The following PCDHA12 variants were observed in gnomAD, a reference collection of about 807,000 sequenced individuals.
PCDHA12 encodes the protein protocadherin alpha 12.
PCDHA12 carries 44 observed loss-of-function variants against 60.0 expected under a neutral mutation model. The observed-to-expected ratio is 0.73, with a 90% CI of 0.58 to 0.94. The LOEUF (loss-of-function observed/expected upper bound fraction) is 0.94, where lower values mean the gene tolerates loss of function less well. PCDHA12 is among the 40% of genes least tolerant of loss of function. PCDHA12 has a pLI of 0.00. For synonymous variants in PCDHA12, 569 were observed against 553.0 expected (o/e 1.03, Z -0.40); for missense variants, 1,276 against 1,239.7 (o/e 1.03, Z -0.44).
At chr5:140,922,548 G>T (rs2080883425) in intron 1 of PCDHA12, among the ~76,000 whole-genome samples, 2 of 152,172 alleles carry the variant, frequency 1.3e-5, no homozygotes, top group Non-Finnish European at 2.9e-5. Flanking sequence ...GCAAGGTAAG[G>T]AGAAAAGTCA....
chr5:140,967,865 C>G, intron 1 of PCDHA12: 1 of 1,614,164 alleles, frequency 6.2e-7, no homozygotes, highest in Non-Finnish European at 8.5e-7. Flanking sequence ...AGAGGTGGTG[C>G]TCACGGACCT....
intron 1 of PCDHA12, among the ~76,000 whole-genome samples, chr5:140,888,097 G>T (rs536916138): frequency 3.3e-4 from 50 of 152,066 alleles, no homozygotes; most frequent in African/African-American, 1.2e-3. Context: ...TCCTTAGTTT[G>T]CTTCTTTTAA....
chr5:140,975,216 G>A (rs1349439819), intron 1 of PCDHA12, among the ~76,000 whole-genome samples: 1 of 152,198 alleles, frequency 6.6e-6, no homozygotes, highest in Non-Finnish European at 1.5e-5. Context: ...TGGCACTGGA[G>A]AATCTTCCCT....
intron 1 of PCDHA12, chr5:140,969,446 C>A (rs782526198): frequency 6.5e-7 from 1 of 1,541,082 alleles, no homozygotes; most frequent in African/African-American, 1.4e-5. Flanking sequence ...ATCTGGTAAA[C>A]TGAGTATATA....
In PCDHA12 at chr5:141,011,816, A is replaced by G. The variant is rs1382441831; in HGVS notation, c.*1879A>G. The G allele has an allele frequency of 1.3e-5, 2 of 153,794 alleles. No homozygotes were observed. Among genetic ancestry groups the G allele is most frequent in the Admixed American group, 1.3e-4 (2 of 15,280 alleles). The allele number at this position is 153,794 out of a possible 1,614,324, so 9.5% of individuals were successfully genotyped here. On this transcript the variant is annotated 3_prime_UTR_variant, in exon 4 of 4. Transcript: ENST00000398631. ...TCTGAAATATCAGCTCATAGAAAGT[A>G]ACAAAATTTGCTGTCACCTTAAATA...
chr5:140,910,528 T>A (rs2153515102), intron 1 of PCDHA12, among the ~76,000 whole-genome samples: 1 of 152,314 alleles, frequency 6.6e-6, no homozygotes, highest in African/African-American at 2.4e-5. Flanking sequence ...GGTACTCCCC[T>A]CACAAATCTA....
intron 1 of PCDHA12, chr5:140,883,895 C>T: frequency 6.2e-7 from 1 of 1,613,426 alleles, no homozygotes; most frequent in Non-Finnish European, 8.5e-7. Flanking sequence ...CTCTGGCGTG[C>T]CGCCTCTGGG....
intron 3 of PCDHA12, among the ~76,000 whole-genome samples, chr5:140,999,739 T>C (rs2097873545): frequency 6.6e-6 from 1 of 152,196 alleles, no homozygotes; most frequent in Admixed American, 6.5e-5. Flanking sequence ...AATGTTTGAA[T>C]CTGGGTTCGC....
chr5:140,979,522 A>G (rs576025092), intron 2 of PCDHA12, among the ~76,000 whole-genome samples: 1 of 152,098 alleles, frequency 6.6e-6, no homozygotes, highest in South Asian at 2.1e-4. Context: ...ATCTGTTGCT[A>G]TCTTATTGTC....
At chr5:140,995,999 G>A (rs1489207802) in intron 3 of PCDHA12, among the ~76,000 whole-genome samples, 3 of 152,198 alleles carry the variant, frequency 2.0e-5, no homozygotes, top group Admixed American at 6.5e-5. Context: ...CAAAAATGTC[G>A]TCAGAACTAT....
chr5:140,889,035 T>C (rs1554183751), intron 1 of PCDHA12, among the ~76,000 whole-genome samples: 2 of 152,104 alleles, frequency 1.3e-5, no homozygotes. Flanking sequence ...AACCGTAATT[T>C]GATTATAATT....
At chr5:140,919,069 A>G (rs2078992601) in intron 1 of PCDHA12, among the ~76,000 whole-genome samples, 1 of 152,200 alleles carries the variant, frequency 6.6e-6, no homozygotes, top group African/African-American at 2.4e-5. Context: ...TAAAGTCTCC[A>G]GTTATGACTA....
At chr5:140,957,725 A>T (rs1385506394) in intron 1 of PCDHA12, among the ~76,000 whole-genome samples, 1 of 152,156 alleles carries the variant, frequency 6.6e-6, no homozygotes, top group Non-Finnish European at 1.5e-5. Context: ...AAAGAAGCAG[A>T]ATTATATATA....
Position 140,927,170 on chromosome 5 carries a change from G to A in PCDHA12, c.2367+49331G>A, listed in dbSNP as rs370656989. The A allele has an allele frequency of 2.6e-5, 42 of 1,614,048 alleles. No individual in the cohort carries two copies. The highest frequency in any genetic ancestry group is 3.5e-5 in the Non-Finnish European group (41 of 1,180,042). On this transcript the variant is annotated intron_variant, in intron 1 of 3. Coordinates refer to ENST00000398631, the MANE Select transcript of PCDHA12 (RefSeq NM_018903.4). Reference sequence around the variant, plus strand: ...CAGCTGTGCAGGGCCAAAGCTGCCTGCGTCTTGACCTACGACCTGGTGCTC... The same window carrying A: ...CAGCTGTGCAGGGCCAAAGCTGCCTACGTCTTGACCTACGACCTGGTGCTC...
chr5:140,917,249 G>A (rs1439724525), intron 1 of PCDHA12, among the ~76,000 whole-genome samples: 1 of 149,466 alleles, frequency 6.7e-6, no homozygotes, highest in African/African-American at 2.5e-5. Flanking sequence ...TACTACGATT[G>A]CTCACCTGAT....
At chr5:140,882,701 T>C in intron 1 of PCDHA12, 2 of 1,614,138 alleles carry the variant, frequency 1.2e-6, no homozygotes, top group South Asian at 1.1e-5. Context: ...CATTGCAGAA[T>C]CTAGACCTCC....
intron 3 of PCDHA12, among the ~76,000 whole-genome samples, chr5:141,000,361 GTCTCTCTCTCTCTC>G (rs148596731): frequency 5.7e-4 from 15 of 26,444 alleles, no homozygotes; most frequent in African/African-American, 2.0e-3. Context: ...GTCTCTCTCT[GTCTCTCTCTCTCTC>G]TCTCTCTCTC....
At chr5:140,974,815 A>G (rs990559310) in intron 1 of PCDHA12, among the ~76,000 whole-genome samples, 3 of 152,188 alleles carry the variant, frequency 2.0e-5, no homozygotes, top group Non-Finnish European at 4.4e-5. Context: ...GAAGACCAAT[A>G]TGCAACATAA....
At chr5:140,925,689 G>C (rs1341368297) in intron 1 of PCDHA12, among the ~76,000 whole-genome samples, 1 of 147,806 alleles carries the variant, frequency 6.8e-6, no homozygotes, top group Non-Finnish European at 1.5e-5. Flanking sequence ...AGCGAGGGTG[G>C]GTATCTAGCC....
Sources: allele counts gnomAD v4.1 joint callset (sites outside exome capture counted in the v4.1 genomes callset), GRCh38; gene constraint gnomAD v4.1.1; transcripts MANE v1.5; gene names NCBI Gene and HGNC (gene_info 2026-07-23, HGNC 2026-07-21).